TBC1D15: variants seen among roughly 807,000 people sequenced by gnomAD.
The protein encoded by TBC1D15 is TBC1 domain family member 15.
In TBC1D15, 39 loss-of-function variants were observed where a neutral mutation model predicts 95.4. The ratio of observed to expected loss-of-function variants is 0.41; its 90% CI spans 0.32 to 0.53. The LOEUF is 0.53. TBC1D15 is among the 20% of genes least tolerant of loss of function. The probability of loss-of-function intolerance (pLI) is 0.29; values close to 1 mark genes in which losing one functional copy is unlikely to be tolerated. For synonymous variants in TBC1D15, 258 were observed against 261.3 expected, an observed-to-expected ratio of 0.99 and a Z score of 0.12; for missense variants, 733 against 794.3, an observed-to-expected ratio of 0.92 and a Z score of 0.93.
chr12:71,917,194 ATT>A lies in TBC1D15; in HGVS notation c.1402-502_1402-501del, dbSNP rs201749275. On this transcript the variant is annotated intron_variant, in intron 12 of 16. Transcript: ENST00000485960. The stretch of plus-strand genomic sequence containing the variant: ...ATACAGCCTTTGCACTTGTGAAAGA[ATT>A]TAAGTATGAAATCCAGATAATGTTT... Among the ~76,000 whole-genome samples, 846 of 152,286 alleles carry A rather than the reference ATT, an allele frequency of 5.6e-3. 8 individuals are homozygous for A. Among genetic ancestry groups the A allele is most frequent in the African/African-American group, 0.02 (812 of 41,552 alleles).
intron 12 of TBC1D15, 30 bp downstream of exon 12, chr12:71,913,956 G>T: frequency 1.3e-6 from 2 of 1,500,230 alleles, no homozygotes; most frequent in East Asian, 2.4e-5. Context: ...CCATTAAACT[G>T]ATTTTTAAAA....
intron 5 of TBC1D15, among the ~76,000 whole-genome samples, chr12:71,890,970 A>G (rs761966544): frequency 1.3e-5 from 2 of 152,194 alleles, no homozygotes; most frequent in Admixed American, 6.6e-5. Flanking sequence ...ATTGATATGC[A>G]AATATCCAAG....
At chr12:71,884,022 T>C (rs1895736080) in intron 4 of TBC1D15, among the ~76,000 whole-genome samples, 1 of 152,154 alleles carries the variant, frequency 6.6e-6, no homozygotes, top group African/African-American at 2.4e-5. Context: ...TATAATTTGG[T>C]TTGAACTGAG....
At chr12:71,858,124 G>A (rs987111446) in intron 1 of TBC1D15, among the ~76,000 whole-genome samples, 3 of 151,874 alleles carry the variant, frequency 2.0e-5, no homozygotes, top group Admixed American at 2.0e-4. Flanking sequence ...CCAGGCTGGA[G>A]TGCAGTGGCG....
chr12:71,897,646 T>A (rs986379301), intron 9 of TBC1D15, among the ~76,000 whole-genome samples: 2 of 152,012 alleles, frequency 1.3e-5, no homozygotes, highest in African/African-American at 4.8e-5. Context: ...CACATAAACT[T>A]TGTGATATTT....
Position 71,901,448 on chromosome 12 carries a change from CTGTAAGTTAATA to C in TBC1D15, c.1183+3511_1183+3522del, listed in dbSNP as rs1335037069. Among the ~76,000 whole-genome samples the C allele has an allele frequency of 8.5e-5, 13 of 152,188 alleles. No individual in the cohort carries two copies. In the East Asian group the frequency reaches 2.3e-3, roughly 27 times the overall value. On this transcript the variant is annotated intron_variant, in intron 10 of 16. Transcript: ENST00000485960. Reference sequence around the variant, plus strand: ...ATTTTGAGATGCCTATATTGAATGTCTGTAAGTTAATATGTTGAGTTGAATGTGGATATATGG... The same window carrying C: ...ATTTTGAGATGCCTATATTGAATGTCTGTTGAGTTGAATGTGGATATATGG...
chr12:71,877,224 T>TTTA (rs1380470030), intron 3 of TBC1D15, among the ~76,000 whole-genome samples: 1 of 150,946 alleles, frequency 6.6e-6, no homozygotes, highest in Admixed American at 6.6e-5. Flanking sequence ...TTTTTTTTTT[T>TTTA]AAACCTCTCT....
At chr12:71,865,410 G>A (rs1891277062) in intron 1 of TBC1D15, among the ~76,000 whole-genome samples, 1 of 152,132 alleles carries the variant, frequency 6.6e-6, no homozygotes, top group South Asian at 2.1e-4. Context: ...CTACAGTTCA[G>A]GAATCTGAGC....
intron 2 of TBC1D15, 23 bp downstream of exon 2, chr12:71,872,191 T>C (rs1892842170): frequency 1.5e-6 from 2 of 1,364,502 alleles, no homozygotes; most frequent in Admixed American, 2.3e-5. Context: ...TAAATGATTT[T>C]ATTTAATAAT....
At chr12:71,858,883 T>C (rs1682610416) in intron 1 of TBC1D15, among the ~76,000 whole-genome samples, 1 of 152,088 alleles carries the variant, frequency 6.6e-6, no homozygotes, top group Admixed American at 6.6e-5. Context: ...TGAGGAACTT[T>C]CATACTGTTT....
At chr12:71,879,236 T>C (rs1894638839) in intron 3 of TBC1D15, among the ~76,000 whole-genome samples, 2 of 151,876 alleles carry the variant, frequency 1.3e-5, no homozygotes, top group South Asian at 4.2e-4. Flanking sequence ...GGGTTCAAGC[T>C]ATTCTCCTGC....
At chr12:71,839,841 C>T (rs1341134745) in intron 1 of TBC1D15, 30 bp downstream of exon 1, 2 of 1,614,010 alleles carry the variant, frequency 1.2e-6, no homozygotes. Flanking sequence ...AAGACCTCGG[C>T]TTTTCTCTGG....
At chr12:71,844,662 C>T (rs1885872996) in intron 1 of TBC1D15, among the ~76,000 whole-genome samples, 1 of 152,144 alleles carries the variant, frequency 6.6e-6, no homozygotes, top group African/African-American at 2.4e-5. Flanking sequence ...ATTGTAACTG[C>T]TGTGGAGGCA....
At chr12:71,903,252 C>T (rs187355468) in intron 10 of TBC1D15, among the ~76,000 whole-genome samples, 2 of 152,108 alleles carry the variant, frequency 1.3e-5, no homozygotes, top group African/African-American at 4.8e-5. Context: ...CACTGCCAAC[C>T]AACATATGAA....
intron 3 of TBC1D15, among the ~76,000 whole-genome samples, chr12:71,873,542 CAGG>C (rs1188325315): frequency 1.3e-5 from 2 of 152,090 alleles, no homozygotes; most frequent in East Asian, 3.8e-4. Context: ...CATTCATGTG[CAGG>C]TTTTTTGTGT....
Position 71,894,871 on chromosome 12 carries a change from A to G in TBC1D15, c.843A>G (p.Glu281=). ...ATCAACAAGAAGAACCAGGATTTGA[A>G]GTCATCACAAGAGTGAGTAAAGATT... ...KINQQEEPGF[E]VITRIDLGER... The change falls in exon 7 of 17, where the codon GAA becomes GAG. Residue 281 remains glutamate, a synonymous_variant. Coordinates refer to ENST00000485960, the MANE Select transcript of TBC1D15 (RefSeq NM_001146213.3). The G allele has an allele frequency of 6.2e-7, 1 of 1,612,570 alleles. No individual in the cohort carries two copies. Among genetic ancestry groups the G allele is most frequent in the Non-Finnish European group, 8.5e-7 (1 of 1,178,880 alleles).
At chr12:71,860,991 G>C (rs1475011884) in intron 1 of TBC1D15, among the ~76,000 whole-genome samples, 1 of 152,058 alleles carries the variant, frequency 6.6e-6, no homozygotes, top group Non-Finnish European at 1.5e-5. Context: ...TCATTCTAAT[G>C]ATGTGATATA....
intron 1 of TBC1D15, among the ~76,000 whole-genome samples, chr12:71,861,918 ATTAC>A: frequency 8.2e-6 from 1 of 122,200 alleles, no homozygotes. Flanking sequence ...ATTTAAAAAA[ATTAC>A]TTAATTTCTT....
chr12:71,917,992 T>C (rs1375497268), intron 13 of TBC1D15, among the ~76,000 whole-genome samples, 195 bp downstream of exon 13: 2 of 151,932 alleles, frequency 1.3e-5, no homozygotes, highest in Admixed American at 6.6e-5. Flanking sequence ...ACCCCATCTC[T>C]ACAAGGAAAA....
Sources: gnomAD v4.1 joint callset for allele counts (sites outside exome capture counted in the v4.1 genomes callset) on GRCh38, gnomAD v4.1.1 for gene constraint, MANE v1.5 for transcripts, NCBI Gene and HGNC (gene_info 2026-07-23, HGNC 2026-07-21) for gene names.